The following ZNF354C variants were observed in gnomAD, a reference collection of about 807,000 sequenced individuals.
The protein encoded by ZNF354C is KRAB-zinc finger protein synten.
ZNF354C carries 7 observed loss-of-function variants against 12.4 expected under a neutral mutation model. The observed-to-expected ratio is 0.56, with a 90% CI of 0.32 to 1.06. The LOEUF (loss-of-function observed/expected upper bound fraction) is 1.06. Ranked by LOEUF, ZNF354C falls within the 50% of genes least tolerant of loss-of-function variation. The pLI, the probability that ZNF354C is intolerant of heterozygous loss-of-function variation, is 0.04. For synonymous variants in ZNF354C, 202 were observed against 224.5 expected (o/e 0.90, Z 0.90); for missense variants, 609 against 658.0 (o/e 0.93, Z 0.81).
Position 179,079,318 on chromosome 5 carries a change from G to A in ZNF354C, c.886G>A (p.Gly296Arg). 1.9e-6 allele frequency: 3 copies of A among 1,614,182 alleles called. 1 individual carries two copies. The highest frequency in any genetic ancestry group is 8.5e-7 in the Non-Finnish European group (1 of 1,180,036). The change falls in exon 5 of 5, where the codon GGA (glycine) becomes AGA (arginine). Residue 296 changes from glycine (G) to arginine (R), a missense_variant. By Grantham distance (125) the Gly-to-Arg change is moderately radical. Transcript: ENST00000315475. This position sits in a 1 kb window ranked among gnomAD's most constrained non-coding sequence, Gnocchi z 4.2. ...TATCAAACATCTGAGAGTGCATACT[G>A]GAGAGAAACCGTATCGATGTAGGGA... ...TLIKHLRVHTGEKPYRCRECG... is the reference protein window; with the variant it reads ...TLIKHLRVHTREKPYRCRECG...
chr5:179,081,163 T>A lies in ZNF354C; in HGVS notation c.*1066T>A, dbSNP rs1281480970. ...AAGTTACTGTGTTATCTTTAAGGGC[T>A]TCCTCTCACCTTAATCTTAATAATT... is the stretch of plus-strand genomic sequence containing the variant. On this transcript the variant is annotated 3_prime_UTR_variant, in exon 5 of 5. Transcript: ENST00000315475. 1 of 152,180 alleles carries A rather than the reference T, an allele frequency of 6.6e-6. No individual in the cohort carries two copies. The highest frequency in any genetic ancestry group is 6.5e-5 in the Admixed American group (1 of 15,272). 9.4% of individuals were successfully genotyped at this position (152,180 alleles called of 1,614,324 possible).
Sources: allele counts gnomAD v4.1 joint callset, GRCh38; gene constraint gnomAD v4.1.1; non-coding constraint Gnocchi (gnomAD v3.1); transcripts MANE v1.5; gene names NCBI Gene and HGNC (gene_info 2026-07-23, HGNC 2026-07-21).